Variants in FLT4 observed in about 807,000 individuals in gnomAD.
FLT4 encodes the protein fms related receptor tyrosine kinase 4.
A neutral mutation model predicts 163.2 loss-of-function variants in FLT4; 30 were observed. That is an observed-to-expected ratio of 0.18 (90% CI 0.14 to 0.25). The LOEUF (loss-of-function observed/expected upper bound fraction) is 0.25, where lower values mean the gene tolerates loss of function less well. Ranked by LOEUF, FLT4 falls within the 10% of genes least tolerant of loss-of-function variation. The pLI, the probability that FLT4 is intolerant of heterozygous loss-of-function variation, is 1.00. For missense variants in FLT4, 1,510 were observed against 1,863.8 expected (o/e 0.81, Z 3.50); for synonymous variants, 884 against 789.5 (o/e 1.12, Z -2.01).
At position 180,621,887 on chromosome 5, in the gene FLT4, T is replaced by G; in HGVS notation, c.1675A>C (p.Thr559Pro). 1 of 1,613,492 alleles carries G rather than the reference T, an allele frequency of 6.2e-7. No homozygotes were observed. The highest frequency in any genetic ancestry group is 8.5e-7 in the Non-Finnish European group (1 of 1,179,970). ...FYVTTIPDGF[T>P]IESKPSEELL... ...TCCTCGGATGGCTTGGATTCGATGG[T>G]GAAGCCGTCGGGGATGGCTGTGGAG... Residue 559 changes from threonine (T) to proline (P), a missense_variant, in exon 13 of 30, where the codon ACC becomes CCC. By Grantham distance (38) the Thr-to-Pro change is conservative (BLOSUM62 -1). Coordinates refer to ENST00000261937, the MANE Select transcript of FLT4 (RefSeq NM_182925.5).
chr5:180,608,719 T>C (rs1388457433), intron 29 of FLT4, among the ~76,000 whole-genome samples: 1 of 152,150 alleles, frequency 6.6e-6, no homozygotes, highest in Non-Finnish European at 1.5e-5. Flanking sequence ...ACACAGCATC[T>C]GAGCTCTGTC....
chr5:180,629,172 C>T, intron 7 of FLT4, 87 bp downstream of exon 7: 1 of 1,561,694 alleles, frequency 6.4e-7, no homozygotes, highest in Non-Finnish European at 8.8e-7. Flanking sequence ...TCCCTTCCCT[C>T]TGGCTGGACT....
At position 180,621,756 on chromosome 5, in the gene FLT4, G is replaced by T. The variant is rs1297327643; in HGVS notation, c.1806C>A (p.His602Gln). ...RLNLSTLHDA[H>Q]GNPLLLDCKN... Reference sequence around the variant, plus strand: ...TGCAGTCGAGCAGAAGCGGGTTCCCGTGCGCATCGTGCAGCGTGGACAGGT... The same window carrying T: ...TGCAGTCGAGCAGAAGCGGGTTCCCTTGCGCATCGTGCAGCGTGGACAGGT... The change falls in exon 13 of 30, where the codon CAC becomes CAA. Residue 602 changes from histidine to glutamine, a missense_variant. Transcript: ENST00000261937. The T allele has an allele frequency of 4.3e-6, 7 of 1,613,190 alleles. No homozygotes were observed. The highest frequency in any genetic ancestry group is 5.9e-6 in the Non-Finnish European group (7 of 1,179,982).
At position 180,623,565 on chromosome 5, in the gene FLT4, C is replaced by T. The variant is rs564469461; in HGVS notation, c.1548+370G>A. On this transcript the variant is annotated intron_variant, in intron 11 of 29. Transcript: ENST00000261937. This position sits in a 1 kb window ranked among gnomAD's most constrained non-coding sequence, Gnocchi z 5.8. ...CCTTTGTTCAGTACCCCCTTCTCGGCGTTGCCCCCAGGCTGCGCCAGCGGC... is the reference window on the plus strand; with the variant it reads ...CCTTTGTTCAGTACCCCCTTCTCGGTGTTGCCCCCAGGCTGCGCCAGCGGC... 3.3e-5 allele frequency among the ~76,000 whole-genome samples: 5 copies of T among 152,318 alleles called. No homozygotes were observed. Among genetic ancestry groups the T allele is most frequent in the East Asian group, 1.9e-4 (1 of 5,180 alleles).
chr5:180,632,228 C>G (rs534501196), intron 1 of FLT4, among the ~76,000 whole-genome samples: 2 of 139,840 alleles, frequency 1.4e-5, no homozygotes, highest in Non-Finnish European at 3.3e-5. Flanking sequence ...AGGTCCTCCC[C>G]GAACCACGCA....
At chr5:180,622,517 C>T (rs367974638) in intron 12 of FLT4, among the ~76,000 whole-genome samples, 2 of 152,242 alleles carry the variant, frequency 1.3e-5, no homozygotes, top group South Asian at 2.1e-4. Flanking sequence ...GAGGGAGGAG[C>T]CCCAGGGTTG....
rs186185597 is a variant in FLT4, at chr5:180,642,163, C to T, written c.58+7325G>A. On this transcript the variant is annotated intron_variant, in intron 1 of 29. Coordinates refer to ENST00000261937, the MANE Select transcript of FLT4 (RefSeq NM_182925.5). ...CAGAGCTTGCAGTGGGCCGAGATCG[C>T]GCCACTGCACTCCAGCTTGGGCGAC... Among the ~76,000 whole-genome samples the T allele has an allele frequency of 1.1e-3, 172 of 150,534 alleles. 1 individual carries two copies. Among genetic ancestry groups the T allele is most frequent in the East Asian group, 4.9e-3 (25 of 5,102 alleles).
Position 180,618,932 on chromosome 5 carries a change from C to T in FLT4, c.2851-12G>A. The T allele has an allele frequency of 6.3e-7, 1 of 1,579,972 alleles. No individual in the cohort carries two copies. On this transcript the variant is annotated splice_polypyrimidine_tract_variant and intron_variant, in intron 20 of 29. Coordinates refer to ENST00000261937, the MANE Select transcript of FLT4 (RefSeq NM_182925.5). ...TCGGGAGACTTCTCCTGCGGATGCA[C>T]GAAGCTGGCTCGAGGGCGCCCAGTC...
rs776495740 is a variant in FLT4 at position 180,630,207 on chromosome 5, G to C, written c.513+18C>G. ...TGGGATGGGAGGGTCGGATGCTGGG[G>C]TTGGGGTGGGGCCGTACCGAGCGCA... On this transcript the variant is annotated intron_variant, in intron 4 of 29. Coordinates refer to ENST00000261937, the MANE Select transcript of FLT4 (RefSeq NM_182925.5). This position sits in a 1 kb window ranked among gnomAD's most constrained non-coding sequence, Gnocchi z 6.3. The C allele has an allele frequency of 1.2e-5, 20 of 1,609,776 alleles. No individual in the cohort carries two copies. Among genetic ancestry groups the C allele is most frequent in the African/African-American group, 2.7e-5 (2 of 74,844 alleles).
At position 180,625,851 on chromosome 5, in the gene FLT4, G is replaced by A. The variant is rs1272944417; in HGVS notation, c.1421+18C>T. On this transcript the variant is annotated intron_variant, in intron 10 of 29. Transcript: ENST00000261937. Reference sequence around the variant, plus strand: ...GGCTGTGGCTGTGCAGGGGACCTGAGGCTGGAGCTGTACTCACAGACTACG... The same window carrying A: ...GGCTGTGGCTGTGCAGGGGACCTGAAGCTGGAGCTGTACTCACAGACTACG... The A allele has an allele frequency of 2.5e-6, 4 of 1,592,048 alleles. No homozygotes were observed. In the South Asian group the frequency reaches 4.4e-5, roughly 18 times the overall value.
chr5:180,631,569 C>T, intron 2 of FLT4, 113 bp downstream of exon 2: 2 of 875,060 alleles, frequency 2.3e-6, no homozygotes, highest in Non-Finnish European at 1.9e-6. Flanking sequence ...CCCGAGGCCA[C>T]TCTGCCCTGA....
chr5:180,646,081 T>C (rs1477635764), intron 1 of FLT4, among the ~76,000 whole-genome samples: 1 of 151,962 alleles, frequency 6.6e-6, no homozygotes, highest in African/African-American at 2.4e-5. Flanking sequence ...GTTCCCCCAT[T>C]CCCCTCTGTC....
At chr5:180,628,813 C>G (rs1763851145) in intron 8 of FLT4, 69 bp downstream of exon 8, 2 of 1,115,720 alleles carry the variant, frequency 1.8e-6, no homozygotes, top group Admixed American at 1.7e-5. Context: ...CCCGTCTTCC[C>G]CTATGGTCTG....
rs1262382893 is a variant in FLT4, at chr5:180,602,738, G to A, written c.*454C>T. 4.3e-6 allele frequency: 2 copies of A among 461,098 alleles called. No homozygotes were observed. Among genetic ancestry groups the A allele is most frequent in the African/African-American group, 2.0e-5 (1 of 50,972 alleles). The allele number at this position is 461,098 out of a possible 1,614,324, so 28.6% of individuals were successfully genotyped here. A position where few individuals can be genotyped will look rare whatever the true frequency, so the allele number is the denominator to read the frequency against. On this transcript the variant is annotated 3_prime_UTR_variant, in exon 30 of 30. Coordinates refer to ENST00000261937, the MANE Select transcript of FLT4 (RefSeq NM_182925.5). ...GCCAGCCCTCGTGGGGAGAGTAGCT[G>A]TGTGCCTGAGGAGGAAAGGGCGTTT...
At chr5:180,618,954 A>G (rs2127807210) in intron 20 of FLT4, 34 bp from the exon 21 acceptor site, 2 of 1,559,846 alleles carry the variant, frequency 1.3e-6, no homozygotes, top group Non-Finnish European at 1.7e-6. Flanking sequence ...GAGGGCGCCC[A>G]GTCGTCCGCC....
chr5:180,608,017 A>G (rs1313815229), intron 29 of FLT4: 6 of 689,342 alleles, frequency 8.7e-6, no homozygotes, highest in Non-Finnish European at 1.1e-5. Flanking sequence ...GTCAGGGAAC[A>G]CTCTGCTCCA....
rs1417735653 is a variant in FLT4 at position 180,620,956 on chromosome 5, T to A, written c.2219A>T (p.Glu740Val). ...NQKLSIQRVR[E>V]EDAGRYLCSV... is the part of the protein sequence containing the mutation. The stretch of plus-strand genomic sequence containing the variant: ...GCACAGATAGCGTCCCGCATCCTCC[T>A]CGCGCACGCGCTGGATGCTCAGCTT... Residue 740 changes from glutamate (E) to valine (V), a missense_variant, in exon 15 of 30, where the codon GAG becomes GTG. This residue lies in a region of FLT4 where 878 missense variants were observed against 1,016.7 expected (regional missense o/e 0.86). Transcript: ENST00000261937. This position sits in a 1 kb window ranked among gnomAD's most constrained non-coding sequence, Gnocchi z 4.4. The A allele has an allele frequency of 6.2e-7, 1 of 1,610,704 alleles. No individual in the cohort carries two copies.
intron 27 of FLT4, among the ~76,000 whole-genome samples, chr5:180,610,842 G>A (rs1259986998): frequency 6.6e-6 from 1 of 152,234 alleles, no homozygotes; most frequent in Non-Finnish European, 1.5e-5. Context: ...CAGATCACGA[G>A]GTCAGGAGAT....
rs189621902 is a variant in FLT4, at chr5:180,641,937, A to G, written c.58+7551T>C. Among the ~76,000 whole-genome samples, 94 of 152,290 alleles carry G rather than the reference A, an allele frequency of 6.2e-4. 1 individual carries two copies. Among genetic ancestry groups the G allele is most frequent in the Admixed American group, 1.1e-3 (17 of 15,298 alleles). ...TAAGAATAAACTGTCGGCTGGGCACAGTGGCTCACGCCTGTAATCACAGCA... is the reference window on the plus strand; with the variant it reads ...TAAGAATAAACTGTCGGCTGGGCACGGTGGCTCACGCCTGTAATCACAGCA... On this transcript the variant is annotated intron_variant, in intron 1 of 29. Coordinates refer to ENST00000261937, the MANE Select transcript of FLT4 (RefSeq NM_182925.5).
Sources: gnomAD v4.1 joint callset for allele counts (sites outside exome capture counted in the v4.1 genomes callset) on GRCh38, gnomAD v4.1.1 for gene constraint, gnomAD v4.1.1 regional missense constraint, Gnocchi (gnomAD v3.1) non-coding constraint, MANE v1.5 for transcripts, NCBI Gene and HGNC (gene_info 2026-07-23, HGNC 2026-07-21) for gene names.